Variants in DDX1 observed in about 807,000 individuals in gnomAD.
DDX1 encodes the protein DEAD-box helicase 1.
In DDX1, 28 loss-of-function variants were observed where a neutral mutation model predicts 108.7. That is an observed-to-expected ratio of 0.26 (90% CI 0.19 to 0.35). The LOEUF (loss-of-function observed/expected upper bound fraction) is 0.35, where lower values mean the gene tolerates loss of function less well. Ranked by LOEUF, DDX1 falls within the 10% of genes least tolerant of loss-of-function variation. DDX1 has a pLI of 1.00. For synonymous variants in DDX1, 295 were observed against 288.9 expected (o/e 1.02, Z -0.21); for missense variants, 710 against 884.5 (o/e 0.80, Z 2.50).
At position 15,603,270 on chromosome 2, in the gene DDX1, A is replaced by G. The variant is rs1297315212; in HGVS notation, c.470A>G (p.Asp157Gly). Residue 157 changes from aspartate to glycine, a missense_variant, in exon 8 of 26, where the codon GAC becomes GGC. Asp to Gly is a moderately conservative substitution (Grantham distance 94). This residue lies in a region of DDX1 where 661 missense variants were observed against 810.2 expected (regional missense o/e 0.82). Coordinates refer to ENST00000233084, the MANE Select transcript of DDX1 (RefSeq NM_004939.3). Reference sequence around the variant, plus strand: ...TGGTCTACCATGCAGGCCTCTTTGGACCTAGGTAAGTGTTTCTAAAATAAC... The same window carrying G: ...TGGTCTACCATGCAGGCCTCTTTGGGCCTAGGTAAGTGTTTCTAAAATAAC... ...VGWSTMQASL[D>G]LGTDKFGFGF... 6.2e-7 allele frequency: 1 copy of G among 1,607,222 alleles called. No homozygotes were observed.
At chr2:15,608,674 T>TG (rs1558454239) in intron 13 of DDX1, among the ~76,000 whole-genome samples, 4 of 146,938 alleles carry the variant, frequency 2.7e-5, no homozygotes, top group South Asian at 2.2e-4. Context: ...TTTTTTTTTT[T>TG]TTTTTTTTTT....
At chr2:15,612,560 T>C (rs1665793343) in intron 13 of DDX1, among the ~76,000 whole-genome samples, 1 of 136,988 alleles carries the variant, frequency 7.3e-6, no homozygotes, top group Non-Finnish European at 1.6e-5. Context: ...ACGTCCCAGA[T>C]GATGGGCGGC....
chr2:15,595,136 T>C lies in DDX1; in HGVS notation c.17-9T>C. On this transcript the variant is annotated splice_polypyrimidine_tract_variant and intron_variant, in intron 1 of 25. Coordinates refer to ENST00000233084, the MANE Select transcript of DDX1 (RefSeq NM_004939.3). ...TTATGTGGTTTTTAAAATTAATTTTTACTTTCAGAGATGGGTGTAATGCCT... is the reference window on the plus strand; with the variant it reads ...TTATGTGGTTTTTAAAATTAATTTTCACTTTCAGAGATGGGTGTAATGCCT... The C allele has an allele frequency of 1.9e-6, 3 of 1,602,328 alleles. No homozygotes were observed. The highest frequency in any genetic ancestry group is 1.3e-5 in the African/African-American group (1 of 74,434).
At chr2:15,630,541 C>T (rs893527749) in intron 25 of DDX1, among the ~76,000 whole-genome samples, 1 of 152,214 alleles carries the variant, frequency 6.6e-6, no homozygotes, top group African/African-American at 2.4e-5. Flanking sequence ...TAGTTGTTTC[C>T]GAGCCAAGGG....
chr2:15,597,876 G>A (rs979472842), intron 5 of DDX1, among the ~76,000 whole-genome samples: 3 of 151,988 alleles, frequency 2.0e-5, no homozygotes, highest in African/African-American at 4.8e-5. Context: ...AGGGAACAGA[G>A]GCATTTTTTT....
intron 25 of DDX1, among the ~76,000 whole-genome samples, 161 bp from the exon 26 acceptor site, chr2:15,630,615 A>AT (rs1666175714): frequency 6.6e-6 from 1 of 152,232 alleles, no homozygotes; most frequent in South Asian, 2.1e-4. Flanking sequence ...GAAATAATTG[A>AT]TTTAACATTT....
chr2:15,594,574 C>T (rs545308810), intron 1 of DDX1, among the ~76,000 whole-genome samples: 8 of 152,316 alleles, frequency 5.3e-5, no homozygotes, highest in Admixed American at 1.3e-4. Context: ...CAGGTGCCCA[C>T]GTTTTCACCA....
At chr2:15,609,645 C>T (rs184201758) in intron 13 of DDX1, among the ~76,000 whole-genome samples, 46 of 152,230 alleles carry the variant, frequency 3.0e-4, no homozygotes, top group Middle Eastern at 3.4e-3. Context: ...CAGTGCTTTG[C>T]GTATAAGCAT....
At chr2:15,603,921 C>A in intron 9 of DDX1, 31 bp downstream of exon 9, 2 of 1,441,766 alleles carry the variant, frequency 1.4e-6, no homozygotes, top group Non-Finnish European at 1.9e-6. Flanking sequence ...TTCAACATAG[C>A]ATAAGTAAGT....
chr2:15,616,201 C>G (rs1665891004), intron 14 of DDX1, among the ~76,000 whole-genome samples: 1 of 152,168 alleles, frequency 6.6e-6, no homozygotes. Flanking sequence ...GCGTGAGCCA[C>G]CGCGCCGGCC....
chr2:15,604,630 CT>C, intron 10 of DDX1, 121 bp downstream of exon 10: 2 of 674,930 alleles, frequency 3.0e-6, no homozygotes, highest in Non-Finnish European at 5.3e-6. Flanking sequence ...TTTACTTGAA[CT>C]AATATTTATT....
chr2:15,601,842 A>C (rs1402621854), intron 6 of DDX1, among the ~76,000 whole-genome samples: 5 of 152,242 alleles, frequency 3.3e-5, no homozygotes, highest in African/African-American at 1.2e-4. Context: ...CAGGACAGAA[A>C]TTATAGTTTT....
rs1665911230 is a variant in DDX1, at chr2:15,617,237, T to A, written c.1018-7T>A. ...TTTCATTAAGTGGTTGGTTTGCTTTTTTTCAGGTAGATATAGTTGTAGGTA... is the reference window on the plus strand; with the variant it reads ...TTTCATTAAGTGGTTGGTTTGCTTTATTTCAGGTAGATATAGTTGTAGGTA... On this transcript the variant is annotated splice_polypyrimidine_tract_variant and splice_region_variant and intron_variant, in intron 14 of 25. Transcript: ENST00000233084. 2 of 1,532,286 alleles carry A rather than the reference T, an allele frequency of 1.3e-6. No individual in the cohort carries two copies. The highest frequency in any genetic ancestry group is 1.8e-6 in the Non-Finnish European group (2 of 1,128,028). 94.9% of individuals were successfully genotyped at this position (1,532,286 alleles called of 1,614,324 possible). A position where few individuals can be genotyped will look rare whatever the true frequency, so the allele number is the denominator to read the frequency against.
intron 13 of DDX1, 32 bp from the exon 14 acceptor site, chr2:15,613,192 T>C (rs528233624): frequency 1.4e-6 from 2 of 1,479,816 alleles, no homozygotes; most frequent in South Asian, 2.5e-5. Context: ...AATTTTTTTT[T>C]TTTTATATTA....
At chr2:15,612,603 G>A (rs1180008238) in intron 13 of DDX1, among the ~76,000 whole-genome samples, 1 of 151,526 alleles carries the variant, frequency 6.6e-6, no homozygotes, top group Non-Finnish European at 1.5e-5. Flanking sequence ...CCCAGACGGG[G>A]TGGCGGCCGG....
intron 13 of DDX1, among the ~76,000 whole-genome samples, chr2:15,608,953 A>G (rs559758972): frequency 7.6e-5 from 11 of 144,398 alleles, no homozygotes; most frequent in Middle Eastern, 3.5e-3. Flanking sequence ...CATGTTCCTT[A>G]TTCAGCAAAT....
intron 19 of DDX1, among the ~76,000 whole-genome samples, chr2:15,625,781 A>G (rs1022907175): frequency 9.2e-5 from 14 of 152,148 alleles, no homozygotes; most frequent in Admixed American, 6.5e-4. Context: ...ATTTTGTTAT[A>G]ACTGATGTAC....
chr2:15,607,293 C>T lies in DDX1; in HGVS notation c.936C>T (p.Tyr312=), dbSNP rs1325985665. The stretch of plus-strand genomic sequence containing the variant: ...ACAACATCAAGCAGTTTAAGAAATA[C>T]ATTGATAATCCTAAATTAAGGTAAA... The part of the protein sequence containing the change: ...TLNNIKQFKK[Y]IDNPKLRELL... Residue 312 remains tyrosine, a synonymous_variant, in exon 13 of 26, where the codon TAC becomes TAT. Transcript: ENST00000233084. The T allele has an allele frequency of 1.9e-6, 3 of 1,613,130 alleles. No individual in the cohort carries two copies.
chr2:15,611,425 C>A, intron 13 of DDX1, among the ~76,000 whole-genome samples: 1 of 149,602 alleles, frequency 6.7e-6, no homozygotes, highest in Non-Finnish European at 1.5e-5. Context: ...GGGTGGTGGC[C>A]GGGCAGAGGG....
Sources: allele counts gnomAD v4.1 joint callset (sites outside exome capture counted in the v4.1 genomes callset), GRCh38; gene constraint gnomAD v4.1.1; regional missense constraint gnomAD v4.1.1; transcripts MANE v1.5; gene names NCBI Gene and HGNC (gene_info 2026-07-23, HGNC 2026-07-21).